DCAF8L2: variants seen among roughly 807,000 people sequenced by gnomAD.
DCAF8L2 encodes DDB1- and CUL4-associated factor 8-like protein 2.
For missense variants in DCAF8L2, 430 were observed against 490.7 expected (o/e 0.88, Z 1.17); for synonymous variants, 200 against 190.9 (o/e 1.05, Z -0.39).
chrX:27,629,482 C>T (rs1928197183), intron 1 of DCAF8L2, among the ~76,000 whole-genome samples: 2 of 103,937 alleles, frequency 1.9e-5, no homozygotes. Context: ...TTTCTTTCTC[C>T]CTTCCTTCCT....
At chrX:27,734,189 A>G (rs1921386494) in intron 4 of DCAF8L2, among the ~76,000 whole-genome samples, 1 of 93,971 alleles carries the variant, frequency 1.1e-5, no homozygotes, top group Admixed American at 1.1e-4. Flanking sequence ...GAGCAAGGGC[A>G]ATCAGGCAAG....
At chrX:27,610,918 G>A (rs1310388994) in intron 1 of DCAF8L2, among the ~76,000 whole-genome samples, 2 of 112,436 alleles carry the variant, frequency 1.8e-5, no homozygotes, top group Non-Finnish European at 3.8e-5. Context: ...AGTACATGGT[G>A]TGAGACCACT....
At chrX:27,514,685 A>AAAC in the DCAF8L2 span, among the ~76,000 whole-genome samples, 1 of 65,351 alleles carries the variant, frequency 1.5e-5, no homozygotes, top group African/African-American at 5.5e-5. Context: ...AAAAAAAAAA[A>AAAC]AAAAAAAAAA....
the DCAF8L2 span, among the ~76,000 whole-genome samples, chrX:27,536,779 C>G: frequency 1.8e-5 from 2 of 111,884 alleles, no homozygotes; most frequent in Non-Finnish European, 1.9e-5. Flanking sequence ...ATGAACGTCC[C>G]ATGGCTCCAC....
At chrX:27,707,591 G>A (rs1463963627) in intron 3 of DCAF8L2, among the ~76,000 whole-genome samples, 1 of 111,597 alleles carries the variant, frequency 9.0e-6, no homozygotes, top group East Asian at 2.8e-4. Context: ...AACTAGAATC[G>A]AGTGTTGCAA....
intron 1 of DCAF8L2, among the ~76,000 whole-genome samples, chrX:27,600,484 A>G (rs983923225): frequency 6.2e-5 from 7 of 112,009 alleles, no homozygotes; most frequent in African/African-American, 1.9e-4. Flanking sequence ...TTTAATTTGC[A>G]TGAAACAAAA....
At chrX:27,514,468 G>T in the DCAF8L2 span, among the ~76,000 whole-genome samples, 1 of 107,324 alleles carries the variant, frequency 9.3e-6, no homozygotes, top group African/African-American at 3.4e-5. Flanking sequence ...AGGAGATCGA[G>T]ACCATCCCGG....
At chrX:27,637,721 G>A (rs1344134004) in intron 2 of DCAF8L2, among the ~76,000 whole-genome samples, 1 of 110,415 alleles carries the variant, frequency 9.1e-6, no homozygotes, top group Non-Finnish European at 1.9e-5. Flanking sequence ...ATGAATAAAA[G>A]GGGGCTCAAA....
chrX:27,502,838 G>A, the DCAF8L2 span, among the ~76,000 whole-genome samples: 1 of 111,227 alleles, frequency 9.0e-6, no homozygotes, highest in Admixed American at 9.6e-5. Flanking sequence ...GAAATAACTC[G>A]GAAATATAGG....
At chrX:27,645,249 T>C (rs1474760509) in intron 2 of DCAF8L2, among the ~76,000 whole-genome samples, 2 of 112,212 alleles carry the variant, frequency 1.8e-5, no homozygotes, top group Non-Finnish European at 3.8e-5. Flanking sequence ...ATTCCCAATA[T>C]GCAAGGCTGG....
chrX:27,599,107 AAAC>A (rs1261656659), intron 1 of DCAF8L2, among the ~76,000 whole-genome samples: 1 of 110,446 alleles, frequency 9.1e-6, no homozygotes, highest in Non-Finnish European at 1.9e-5. Flanking sequence ...CAAGATGCGG[AAAC>A]AACAGAAATT....
chrX:27,545,008 T>C, the DCAF8L2 span, among the ~76,000 whole-genome samples: 2 of 112,350 alleles, frequency 1.8e-5, no homozygotes, highest in Admixed American at 1.9e-4. Flanking sequence ...TTAAAAATTT[T>C]AGCAGTTTAA....
intron 2 of DCAF8L2, among the ~76,000 whole-genome samples, chrX:27,673,941 A>T (rs1440020833): frequency 9.0e-6 from 1 of 110,989 alleles, no homozygotes; most frequent in African/African-American, 3.3e-5. Context: ...TGCACCTTTT[A>T]TTTTTTATTT....
At chrX:27,501,285 ATGTGTGTG>A in the DCAF8L2 span, among the ~76,000 whole-genome samples, 1 of 89,150 alleles carries the variant, frequency 1.1e-5, no homozygotes, top group African/African-American at 4.2e-5. Context: ...GTGTGTGTGT[ATGTGTGTG>A]TGTGTGTGTG....
intron 1 of DCAF8L2, among the ~76,000 whole-genome samples, chrX:27,615,528 T>TATCTATCTATCC (rs1175804482): frequency 9.3e-6 from 1 of 107,783 alleles, no homozygotes; most frequent in Non-Finnish European, 1.9e-5. Context: ...TCTATCAATC[T>TATCTATCTATCC]ATCTATCTAT....
At chrX:27,739,958 C>T (rs1363881406) in intron 4 of DCAF8L2, among the ~76,000 whole-genome samples, 1 of 111,361 alleles carries the variant, frequency 9.0e-6, no homozygotes, top group Non-Finnish European at 1.9e-5. Flanking sequence ...TCCCTGGCTG[C>T]CTCTCTGTGG....
At chrX:27,573,233 A>C in the DCAF8L2 span, among the ~76,000 whole-genome samples, 1 of 83,561 alleles carries the variant, frequency 1.2e-5, no homozygotes, top group African/African-American at 4.5e-5. Context: ...TATTTAAGAA[A>C]TCTCTCTCTC....
At chrX:27,615,429 A>G (rs1282868155) in intron 1 of DCAF8L2, among the ~76,000 whole-genome samples, 1 of 111,491 alleles carries the variant, frequency 9.0e-6, no homozygotes, top group Non-Finnish European at 1.9e-5. Context: ...ATATTCTTGA[A>G]TACCTTCAAA....
intron 1 of DCAF8L2, among the ~76,000 whole-genome samples, chrX:27,614,367 C>T (rs1269382789): frequency 7.2e-5 from 8 of 110,748 alleles, no homozygotes; most frequent in East Asian, 2.8e-4. Context: ...GTCTTACTAG[C>T]GGTCTATCAA....
Sources: gnomAD v4.1 joint callset for allele counts (sites outside exome capture counted in the v4.1 genomes callset) on GRCh38, gnomAD v4.1.1 for gene constraint, MANE v1.5 for transcripts, NCBI Gene and HGNC (gene_info 2026-07-23, HGNC 2026-07-21) for gene names.